Variants in GLRA3 observed in about 807,000 individuals in gnomAD.
GLRA3 encodes glycine receptor alpha 3, also known as glycine receptor subunit alpha-3.
Under a neutral mutation model 60.4 loss-of-function variants are expected in GLRA3, and 44 were observed. That is an observed-to-expected ratio of 0.73 (90% CI 0.57 to 0.94). The LOEUF is 0.94. Among genes scored for constraint, GLRA3 ranks in the 40% least tolerant of loss-of-function variants. The probability of loss-of-function intolerance (pLI) is 0.00; values close to 1 mark genes in which losing one functional copy is unlikely to be tolerated. For missense variants in GLRA3, 508 were observed against 564.6 expected (o/e 0.90, Z 1.02); for synonymous variants, 223 against 192.9 (o/e 1.16, Z -1.29).
chr4:174,708,004 C>G (rs1053442831), intron 5 of GLRA3, among the ~76,000 whole-genome samples: 1 of 152,196 alleles, frequency 6.6e-6, no homozygotes, highest in East Asian at 1.9e-4. Flanking sequence ...TTATAAGTAG[C>G]GAGTTCATTA....
rs1391050493 is a variant in GLRA3, at chr4:174,639,907, T to C, written c.*3879A>G. ...AAACCAATGCATCTGCTGAGGAAGA[T>C]GTCTCTTATACAGGTACAAGATGCA... On this transcript the variant is annotated 3_prime_UTR_variant, in exon 10 of 10. Transcript: ENST00000274093. The C allele has an allele frequency of 6.6e-6, 1 of 152,172 alleles. No homozygotes were observed. The highest frequency in any genetic ancestry group is 1.9e-4 in the East Asian group (1 of 5,198). The allele number at this position is 152,172 out of a possible 1,614,324, so 9.4% of individuals were successfully genotyped here. A position where few individuals can be genotyped will look rare whatever the true frequency, so the allele number is the denominator to read the frequency against.
chr4:174,795,786 TTCA>T (rs1739541726), intron 1 of GLRA3, among the ~76,000 whole-genome samples: 2 of 152,176 alleles, frequency 1.3e-5, no homozygotes, highest in African/African-American at 4.8e-5. Context: ...GTGTTCACAG[TTCA>T]GTCGATTACT....
intron 2 of GLRA3, among the ~76,000 whole-genome samples, chr4:174,774,234 G>T (rs974350508): frequency 6.6e-6 from 1 of 152,122 alleles, no homozygotes; most frequent in Non-Finnish European, 1.5e-5. Context: ...TCTTGCTGTT[G>T]GAAGAGGAAG....
At chr4:174,644,189 A>G (rs575491802) in intron 9 of GLRA3, 125 bp from the exon 10 acceptor site, 1 of 645,408 alleles carries the variant, frequency 1.5e-6, no homozygotes, top group East Asian at 2.6e-5. Flanking sequence ...AAGATAACCG[A>G]AGCATATAAA....
intron 5 of GLRA3, among the ~76,000 whole-genome samples, chr4:174,706,679 C>T (rs1735532508): frequency 6.6e-6 from 1 of 152,120 alleles, no homozygotes; most frequent in Admixed American, 6.5e-5. Context: ...AACTTTTTAT[C>T]TGTATCTTTT....
At position 174,714,911 on chromosome 4, in the gene GLRA3, A is replaced by T. The variant is rs147136901; in HGVS notation, c.574+577T>A. ...AGAGGAATACCTGAAAGCTTGAATAAATCTGTGAGAAAGTGTGAGACATTT... is the reference window on the plus strand; with the variant it reads ...AGAGGAATACCTGAAAGCTTGAATATATCTGTGAGAAAGTGTGAGACATTT... On this transcript the variant is annotated intron_variant, in intron 5 of 9. Coordinates refer to ENST00000274093, the MANE Select transcript of GLRA3 (RefSeq NM_006529.4). Among the ~76,000 whole-genome samples the T allele has an allele frequency of 6.9e-3, 1,054 of 152,340 alleles. 5 individuals are homozygous for T. The highest frequency in any genetic ancestry group is 0.012 in the Non-Finnish European group (824 of 68,042).
At chr4:174,649,238 G>A (rs1732944569) in intron 9 of GLRA3, among the ~76,000 whole-genome samples, 1 of 152,132 alleles carries the variant, frequency 6.6e-6, no homozygotes, top group East Asian at 1.9e-4. Context: ...CTGGGGAACA[G>A]GAAAGCAATA....
intron 3 of GLRA3, among the ~76,000 whole-genome samples, chr4:174,744,151 T>C (rs1737136097): frequency 1.3e-5 from 2 of 152,256 alleles, no homozygotes; most frequent in South Asian, 4.1e-4. Flanking sequence ...GGGGCTATGG[T>C]TGGCAACCCA....
At chr4:174,713,032 T>G (rs2111087511) in intron 5 of GLRA3, among the ~76,000 whole-genome samples, 1 of 152,034 alleles carries the variant, frequency 6.6e-6, no homozygotes, top group South Asian at 2.1e-4. Context: ...TAAAAAAGTT[T>G]TAAGAAAAAA....
chr4:174,735,758 C>T (rs991655946), intron 3 of GLRA3, among the ~76,000 whole-genome samples: 5 of 152,028 alleles, frequency 3.3e-5, no homozygotes, highest in African/African-American at 9.7e-5. Flanking sequence ...GATGGGGTTC[C>T]GTCATGTTCG....
rs1263879940 is a variant in GLRA3 at position 174,639,682 on chromosome 4, T to C, written c.*4104A>G. The C allele has an allele frequency of 6.6e-6, 1 of 152,110 alleles. No individual in the cohort carries two copies. The highest frequency in any genetic ancestry group is 1.5e-5 in the Non-Finnish European group (1 of 67,994). 9.4% of individuals were successfully genotyped at this position (152,110 alleles called of 1,614,324 possible). On this transcript the variant is annotated 3_prime_UTR_variant, in exon 10 of 10. Coordinates refer to ENST00000274093, the MANE Select transcript of GLRA3 (RefSeq NM_006529.4). Reference sequence around the variant, plus strand: ...TGAAGTAATTGGAGTACCAGGTGTCTCCCTATGGAAGTTCACTTTTTAATA... The same window carrying C: ...TGAAGTAATTGGAGTACCAGGTGTCCCCCTATGGAAGTTCACTTTTTAATA...
chr4:174,713,549 T>A (rs1335466700), intron 5 of GLRA3: 1 of 152,226 alleles, frequency 6.6e-6, no homozygotes. Flanking sequence ...TCTAATCACA[T>A]TTGTCTTCGT....
intron 7 of GLRA3, among the ~76,000 whole-genome samples, chr4:174,662,998 A>G (rs1439252500): frequency 1.3e-5 from 2 of 152,120 alleles, no homozygotes; most frequent in Non-Finnish European, 2.9e-5. Context: ...TCGGGGGAGA[A>G]ACTGAATCAT....
At chr4:174,787,418 A>T (rs1739166215) in intron 2 of GLRA3, among the ~76,000 whole-genome samples, 1 of 152,100 alleles carries the variant, frequency 6.6e-6, no homozygotes, top group Non-Finnish European at 1.5e-5. Flanking sequence ...TTCTCAGCGG[A>T]TTCACAGGAA....
chr4:174,825,045 T>C (rs1223452859), intron 1 of GLRA3, among the ~76,000 whole-genome samples: 1 of 152,122 alleles, frequency 6.6e-6, no homozygotes, highest in Non-Finnish European at 1.5e-5. Context: ...TTTTTCAAGA[T>C]GTTCTTTCAA....
At chr4:174,760,633 G>A (rs1263581090) in intron 3 of GLRA3, among the ~76,000 whole-genome samples, 1 of 151,966 alleles carries the variant, frequency 6.6e-6, no homozygotes, top group African/African-American at 2.4e-5. Context: ...CAATTCTCCT[G>A]CCTCAGCCTC....
chr4:174,661,600 C>T (rs955046732), intron 7 of GLRA3, among the ~76,000 whole-genome samples: 3 of 152,182 alleles, frequency 2.0e-5, no homozygotes, highest in Non-Finnish European at 4.4e-5. Flanking sequence ...CCATTGGCCC[C>T]ATTTGGCTCC....
chr4:174,762,631 G>A (rs577657924), intron 3 of GLRA3, among the ~76,000 whole-genome samples: 2 of 152,152 alleles, frequency 1.3e-5, no homozygotes, highest in East Asian at 1.9e-4. Flanking sequence ...AACTTCTAAC[G>A]TTCTCACCTG....
chr4:174,791,128 A>C (rs1229618136), intron 1 of GLRA3, among the ~76,000 whole-genome samples: 1 of 152,126 alleles, frequency 6.6e-6, no homozygotes, highest in East Asian at 1.9e-4. Flanking sequence ...ACATGTAAGG[A>C]TATATGTATG....
Sources: allele counts gnomAD v4.1 joint callset (sites outside exome capture counted in the v4.1 genomes callset), GRCh38; gene constraint gnomAD v4.1.1; transcripts MANE v1.5; gene names NCBI Gene and HGNC (gene_info 2026-07-23, HGNC 2026-07-21).